PCDH9: variants seen among roughly 807,000 people sequenced by gnomAD.
The protein encoded by PCDH9 is protocadherin-9.
PCDH9 carries 24 observed loss-of-function variants against 70.6 expected under a neutral mutation model. The observed-to-expected ratio is 0.34, with a 90% CI of 0.25 to 0.48. PCDH9 has a LOEUF of 0.48. Ranked by LOEUF, PCDH9 falls within the 20% of genes least tolerant of loss-of-function variation. The pLI is 0.99. For synonymous variants in PCDH9, 562 were observed against 558.5 expected (o/e 1.01, Z -0.09); for missense variants, 1,281 against 1,503.6 (o/e 0.85, Z 2.45).
chr13:66,926,494 G>A (rs2082720209), intron 2 of PCDH9, among the ~76,000 whole-genome samples: 2 of 151,930 alleles, frequency 1.3e-5, no homozygotes, highest in South Asian at 2.1e-4. Context: ...CGTTTCTATT[G>A]CTATGTTAAT....
At chr13:67,147,367 A>G (rs1594575765) in intron 2 of PCDH9, among the ~76,000 whole-genome samples, 1 of 152,248 alleles carries the variant, frequency 6.6e-6, no homozygotes, top group East Asian at 1.9e-4. Context: ...GCAGGAGGAA[A>G]TGTGAGAGGA....
intron 4 of PCDH9, among the ~76,000 whole-genome samples, chr13:66,590,203 C>T (rs2077020792): frequency 6.6e-6 from 1 of 151,826 alleles, no homozygotes; most frequent in African/African-American, 2.4e-5. Flanking sequence ...TATTTTTATG[C>T]ATTTATATAG....
intron 3 of PCDH9, among the ~76,000 whole-genome samples, chr13:66,845,639 G>A (rs1302224486): frequency 1.3e-5 from 2 of 152,140 alleles, no homozygotes; most frequent in Non-Finnish European, 2.9e-5. Context: ...GCTGCACCTA[G>A]GAGGGCAGTG....
In PCDH9 at chr13:66,340,568, G is replaced by C. The variant is rs542542394; in HGVS notation, c.3341-35540C>G. Among the ~76,000 whole-genome samples the C allele has an allele frequency of 4.3e-4, 65 of 152,208 alleles. 1 individual carries two copies. Among genetic ancestry groups the C allele is most frequent in the East Asian group, 5.8e-4 (3 of 5,180 alleles). On this transcript the variant is annotated intron_variant, in intron 4 of 4. Transcript: ENST00000377865. ...CCCTCTCAAAGATGTTCTTCAAAAA[G>C]GATCTGCCAAATATGTGCCACTTCA...
intron 2 of PCDH9, among the ~76,000 whole-genome samples, chr13:67,088,104 T>C (rs1039385455): frequency 6.6e-6 from 1 of 151,958 alleles, no homozygotes; most frequent in African/African-American, 2.4e-5. Flanking sequence ...CATAGATTTT[T>C]TTTTTTTTTT....
chr13:66,620,567 C>A (rs1344903090), intron 4 of PCDH9, among the ~76,000 whole-genome samples: 1 of 152,214 alleles, frequency 6.6e-6, no homozygotes, highest in South Asian at 2.1e-4. Context: ...TCTATAGAAT[C>A]TTTATTGATT....
chr13:67,190,394 A>G (rs1276235109), intron 2 of PCDH9, among the ~76,000 whole-genome samples: 1 of 152,064 alleles, frequency 6.6e-6, no homozygotes, highest in Non-Finnish European at 1.5e-5. Context: ...TTCCAAAATC[A>G]GAGTCTGCTA....
intron 3 of PCDH9, among the ~76,000 whole-genome samples, chr13:66,828,582 T>TCAGA (rs2080865208): frequency 6.6e-6 from 1 of 152,106 alleles, no homozygotes; most frequent in South Asian, 2.1e-4. Context: ...TAAAAGTCTA[T>TCAGA]CAGACAGTAC....
chr13:66,648,735 G>A (rs749646483), intron 3 of PCDH9, among the ~76,000 whole-genome samples: 1 of 151,870 alleles, frequency 6.6e-6, no homozygotes, highest in Non-Finnish European at 1.5e-5. Flanking sequence ...ACTAAAAAAG[G>A]CATCAAGGAT....
chr13:66,622,228 C>T (rs2077432176), intron 4 of PCDH9, among the ~76,000 whole-genome samples: 1 of 152,226 alleles, frequency 6.6e-6, no homozygotes, highest in African/African-American at 2.4e-5. Context: ...CCTGAGCCTC[C>T]CCCGCTCCGT....
At chr13:66,492,724 A>G (rs903766093) in intron 4 of PCDH9, among the ~76,000 whole-genome samples, 3 of 152,076 alleles carry the variant, frequency 2.0e-5, no homozygotes, top group Non-Finnish European at 4.4e-5. Context: ...GATCAGCTGC[A>G]TGACTAAGAT....
chr13:66,343,158 G>A (rs1403077749), intron 4 of PCDH9, among the ~76,000 whole-genome samples: 1 of 152,158 alleles, frequency 6.6e-6, no homozygotes, highest in East Asian at 1.9e-4. Context: ...CTCAGGAAGA[G>A]TAAACTTCTG....
chr13:67,219,490 G>A (rs2089678256), intron 2 of PCDH9: 1 of 151,952 alleles, frequency 6.6e-6, no homozygotes, highest in African/African-American at 2.4e-5. Context: ...TACTTCTGTA[G>A]TATAATGTAG....
At chr13:67,074,319 G>A (rs528741509) in intron 2 of PCDH9, among the ~76,000 whole-genome samples, 2 of 152,114 alleles carry the variant, frequency 1.3e-5, no homozygotes, top group South Asian at 2.1e-4. Flanking sequence ...CCCCAGATGA[G>A]GACACAACAG....
At chr13:67,082,242 C>A (rs1566411985) in intron 2 of PCDH9, among the ~76,000 whole-genome samples, 1 of 152,142 alleles carries the variant, frequency 6.6e-6, no homozygotes, top group East Asian at 1.9e-4. Flanking sequence ...ACCAACACCT[C>A]CCTACTTCCT....
At chr13:66,675,949 T>C (rs2078237181) in intron 3 of PCDH9, among the ~76,000 whole-genome samples, 1 of 152,146 alleles carries the variant, frequency 6.6e-6, no homozygotes, top group Non-Finnish European at 1.5e-5. Flanking sequence ...CTGGTCTATA[T>C]TCGTGCATTA....
intron 4 of PCDH9, among the ~76,000 whole-genome samples, chr13:66,552,039 C>A (rs1961512019): frequency 6.6e-6 from 1 of 152,030 alleles, no homozygotes; most frequent in Non-Finnish European, 1.5e-5. Flanking sequence ...AGTTGTCAAT[C>A]CCCTATAGAG....
At chr13:67,154,504 G>A (rs1291760203) in intron 2 of PCDH9, among the ~76,000 whole-genome samples, 2 of 148,274 alleles carry the variant, frequency 1.3e-5, no homozygotes, top group African/African-American at 5.0e-5. Flanking sequence ...TTGAGCCTGG[G>A]AGATGAGGCT....
intron 2 of PCDH9, among the ~76,000 whole-genome samples, chr13:67,112,234 G>A (rs2086671967): frequency 6.6e-6 from 1 of 152,186 alleles, no homozygotes; most frequent in African/African-American, 2.4e-5. Flanking sequence ...TTATTAAACT[G>A]ACTCTGAACA....
Sources: allele counts gnomAD v4.1 joint callset (sites outside exome capture counted in the v4.1 genomes callset), GRCh38; gene constraint gnomAD v4.1.1; transcripts MANE v1.5; gene names NCBI Gene and HGNC (gene_info 2026-07-23, HGNC 2026-07-21).